ROBO3: variants seen among roughly 807,000 people sequenced by gnomAD.
The protein encoded by ROBO3 is roundabout guidance receptor 3, also known as roundabout homolog 3.
In ROBO3, 97 loss-of-function variants were observed where a neutral mutation model predicts 160.5. That is an observed-to-expected ratio of 0.60 (90% confidence interval 0.51 to 0.72). The LOEUF (loss-of-function observed/expected upper bound fraction) is 0.72, where lower values mean the gene tolerates loss of function less well. Among genes scored for constraint, ROBO3 ranks in the 30% least tolerant of loss-of-function variants. The pLI is 0.00. For missense variants in ROBO3, 1,858 were observed against 1,846.5 expected, an observed-to-expected ratio of 1.01 and a Z score of -0.11; for synonymous variants, 780 against 746.2, an observed-to-expected ratio of 1.05 and a Z score of -0.74.
chr11:124,870,722 G>A lies in ROBO3; in HGVS notation c.1027G>A (p.Val343Ile), dbSNP rs370980680. The A allele has an allele frequency of 3.1e-5, 50 of 1,611,262 alleles. No homozygotes were observed. In the East Asian group the frequency reaches 3.8e-4, roughly 12 times the overall value. ...GRAEASGSLS[V>I]HVPPQLVTQP... ...CGCTGAAGCATCTGGCTCCCTCAGTGTTCACGGTGAGGGCTGTACTTGGGA... is the reference window on the plus strand; with the variant it reads ...CGCTGAAGCATCTGGCTCCCTCAGTATTCACGGTGAGGGCTGTACTTGGGA... The change falls in exon 6 of 28, where the codon GTT becomes ATT. Residue 343 changes from valine to isoleucine, a missense_variant. Physicochemically the swap from Val to Ile is conservative, Grantham distance 29. Coordinates refer to ENST00000397801, the MANE Select transcript of ROBO3 (RefSeq NM_022370.4).
At position 124,878,473 on chromosome 11, in the gene ROBO3, C is replaced by T. The variant is rs754858570; in HGVS notation, c.3320+37C>T. 5.2e-5 allele frequency: 84 copies of T among 1,607,214 alleles called. No individual in the cohort carries two copies. The South Asian group carries it at 5.4e-4, about 10-fold the overall frequency. ...CCCTGCTTCCAGGCCCACACACCTG[C>T]GGCCAGACCATGGGCTGCTGGGGAG... On this transcript the variant is annotated intron_variant, in intron 22 of 27. Transcript: ENST00000397801. The surrounding 1 kb of genome is among the most constrained non-coding windows in gnomAD (Gnocchi z 4.3).
At position 124,877,250 on chromosome 11, in the gene ROBO3, C is replaced by T. The variant is rs1946406978; in HGVS notation, c.2804-17C>T. On this transcript the variant is annotated splice_polypyrimidine_tract_variant and intron_variant, in intron 18 of 27. Coordinates refer to ENST00000397801, the MANE Select transcript of ROBO3 (RefSeq NM_022370.4). The stretch of plus-strand genomic sequence containing the variant: ...ACGGGCCCTTCTCTCACTCATTCGC[C>T]CCCTCATTTTCCCCAGTGTCCTTCC... 2 of 1,613,922 alleles carry T rather than the reference C, an allele frequency of 1.2e-6. No individual in the cohort carries two copies. The highest frequency in any genetic ancestry group is 3.3e-4 in the Middle Eastern group (2 of 6,060).
At position 124,876,940 on chromosome 11, in the gene ROBO3, G is replaced by C. The variant is rs1946393108; in HGVS notation, c.2780-221G>C. 15 of 636,570 alleles carry C rather than the reference G, an allele frequency of 2.4e-5. 1 individual carries two copies. In the South Asian group the frequency reaches 2.7e-4, roughly 12 times the overall value. The allele number at this position is 636,570 out of a possible 1,614,324, so 39.4% of individuals were successfully genotyped here. ...GATTCTGAGGTGTTTGAGGTCAGTG[G>C]TTTTCAATCTTGGTTGGCTACACAT... On this transcript the variant is annotated intron_variant, in intron 17 of 27. Coordinates refer to ENST00000397801, the MANE Select transcript of ROBO3 (RefSeq NM_022370.4). The surrounding 1 kb of genome is among the most constrained non-coding windows in gnomAD (Gnocchi z 5.3).
In ROBO3 at chr11:124,881,371, T is replaced by C. The variant is rs1946580404; in HGVS notation, c.*121T>C. The C allele has an allele frequency of 1.1e-5, 11 of 983,826 alleles. 1 individual carries two copies. The Admixed American group carries it at 2.3e-4, about 21-fold the overall frequency. The allele number at this position is 983,826 out of a possible 1,614,324, so 60.9% of individuals were successfully genotyped here. ...GCCCATTGGTTTCCACGATTTCAAT[T>C]GGCTGAGAAGGCAGAGAGCTAGCTC... On this transcript the variant is annotated 3_prime_UTR_variant, in exon 28 of 28. Coordinates refer to ENST00000397801, the MANE Select transcript of ROBO3 (RefSeq NM_022370.4).
intron 1 of ROBO3, among the ~76,000 whole-genome samples, chr11:124,867,531 G>A (rs1318127236): frequency 2.0e-5 from 3 of 152,212 alleles, no homozygotes; most frequent in Non-Finnish European, 4.4e-5. Flanking sequence ...TGGAGGAGAA[G>A]AGAAGGGTGA....
At chr11:124,870,466 G>T (rs1249163771) in intron 5 of ROBO3, 135 bp from the exon 6 acceptor site, 23 of 1,481,106 alleles carry the variant, frequency 1.6e-5, no homozygotes, top group Admixed American at 2.0e-5. Flanking sequence ...CCATTGATGG[G>T]TCCATGGGTA....
In ROBO3 at chr11:124,876,828, G is replaced by A; in HGVS notation, c.2780-333G>A. 1 of 546,896 alleles carries A rather than the reference G, an allele frequency of 1.8e-6. No individual in the cohort carries two copies. Among genetic ancestry groups the A allele is most frequent in the Non-Finnish European group, 3.3e-6 (1 of 307,626 alleles). The allele number at this position is 546,896 out of a possible 1,614,324, so 33.9% of individuals were successfully genotyped here. The stretch of plus-strand genomic sequence containing the variant: ...GCCAGGATCCCAGGCAGTAAATTGT[G>A]CGGCGGGGTCTGGATGGAAAGGCGG... On this transcript the variant is annotated intron_variant, in intron 17 of 27. Transcript: ENST00000397801. The surrounding 1 kb of genome is among the most constrained non-coding windows in gnomAD (Gnocchi z 5.3).
Position 124,873,174 on chromosome 11 carries a change from T to C in ROBO3, c.1536+85T>C. The C allele has an allele frequency of 1.4e-6, 2 of 1,451,422 alleles. No individual in the cohort carries two copies. The highest frequency in any genetic ancestry group is 1.2e-5 in the South Asian group (1 of 80,422). 89.9% of individuals were successfully genotyped at this position (1,451,422 alleles called of 1,614,324 possible). On this transcript the variant is annotated intron_variant, in intron 9 of 27. Transcript: ENST00000397801. The surrounding 1 kb of genome is among the most constrained non-coding windows in gnomAD (Gnocchi z 4.5). The stretch of plus-strand genomic sequence containing the variant: ...CACAAGTAAGTACTCACTGGGCCTG[T>C]AGCCCCATCTTTACCCCTCTGTTCT...
Position 124,875,659 on chromosome 11 carries a change from C to A in ROBO3, c.2395C>A (p.Gln799Lys), listed in dbSNP as rs1173928949. ...CTGGGAACCTCCACTCCCCTCCCAGCAAAATGGGGTCATCACGGAATACCA... is the reference window on the plus strand; with the variant it reads ...CTGGGAACCTCCACTCCCCTCCCAGAAAAATGGGGTCATCACGGAATACCA... ...VSWEPPLPSQ[Q>K]NGVITEYQIW... The change falls in exon 15 of 28, where the codon CAA becomes AAA. Residue 799 changes from glutamine (Q) to lysine (K), a missense_variant. Physicochemically the swap from Gln to Lys is moderately conservative, Grantham distance 53. Transcript: ENST00000397801. 1.2e-6 allele frequency: 2 copies of A among 1,608,922 alleles called. No homozygotes were observed. Among genetic ancestry groups the A allele is most frequent in the Non-Finnish European group, 1.7e-6 (2 of 1,177,894 alleles).
chr11:124,872,539 G>A lies in ROBO3; in HGVS notation c.1317G>A (p.Leu439=), dbSNP rs781501995. Residue 439 remains leucine, a synonymous_variant, in exon 8 of 28, where the codon CTG becomes CTA. Coordinates refer to ENST00000397801, the MANE Select transcript of ROBO3 (RefSeq NM_022370.4). This position sits in a 1 kb window ranked among gnomAD's most constrained non-coding sequence, Gnocchi z 4.3. ...VAGSILAKAL[L]EIKGASLDGL... ...GCAGCATCCTGGCCAAGGCCCTGCT[G>A]GAGATAAAAGGAGGTACGTGCCCAT... 2.5e-6 allele frequency: 4 copies of A among 1,613,286 alleles called. No homozygotes were observed. Among genetic ancestry groups the A allele is most frequent in the Non-Finnish European group, 2.5e-6 (3 of 1,179,330 alleles).
In ROBO3 at chr11:124,870,077, A is replaced by G; in HGVS notation, c.766+9A>G. On this transcript the variant is annotated intron_variant, in intron 4 of 27. Transcript: ENST00000397801. ...TGAAGTCATGGTACTGGGTAGGCACAGGGAATTTTGACATTATGGGAACAG... is the reference window on the plus strand; with the variant it reads ...TGAAGTCATGGTACTGGGTAGGCACGGGGAATTTTGACATTATGGGAACAG... The G allele has an allele frequency of 6.2e-7, 1 of 1,613,972 alleles. No homozygotes were observed.
In ROBO3 at chr11:124,865,540, C is replaced by T. The variant is rs753468449; in HGVS notation, c.-38C>T. 6.9e-6 allele frequency: 11 copies of T among 1,593,300 alleles called. No individual in the cohort carries two copies. The highest frequency in any genetic ancestry group is 9.4e-6 in the Non-Finnish European group (11 of 1,169,630). ...ACGGGTCTCAGACCCAGGGGCTGGG[C>T]CCCCAGCCCCCAGTCCCGATCCCAG... On this transcript the variant is annotated 5_prime_UTR_variant, in exon 1 of 28. Coordinates refer to ENST00000397801, the MANE Select transcript of ROBO3 (RefSeq NM_022370.4). This position sits in a 1 kb window ranked among gnomAD's most constrained non-coding sequence, Gnocchi z 5.5.
Position 124,874,129 on chromosome 11 carries a change from C to G in ROBO3, c.1844C>G (p.Thr615Arg), listed in dbSNP as rs1946316023. The change falls in exon 12 of 28, where the codon ACA (threonine) becomes AGA (arginine). Residue 615 changes from threonine (T) to arginine (R), a missense_variant. Physicochemically the swap from Thr to Arg is moderately conservative, Grantham distance 71. Transcript: ENST00000397801. ...GATGGCGTGCAGCTGGAGACACACACAGTCAGCGGTCTGCAGCCCAATACC... is the reference window on the plus strand; with the variant it reads ...GATGGCGTGCAGCTGGAGACACACAGAGTCAGCGGTCTGCAGCCCAATACC... ...VADGVQLETH[T>R]VSGLQPNTIY... The G allele has an allele frequency of 1.2e-6, 2 of 1,613,998 alleles. No individual in the cohort carries two copies. The highest frequency in any genetic ancestry group is 2.7e-5 in the African/African-American group (2 of 75,042).
In ROBO3 at chr11:124,870,577, A is replaced by G. The variant is rs753989030; in HGVS notation, c.906-24A>G. 6 of 1,613,482 alleles carry G rather than the reference A, an allele frequency of 3.7e-6. No individual in the cohort carries two copies. In the Admixed American group the frequency reaches 1.0e-4, roughly 27 times the overall value. On this transcript the variant is annotated intron_variant, in intron 5 of 27. Transcript: ENST00000397801. ...AAGGGTCTGTAGCTGTGGCCAACCCAGCCTGGGGTGGGGAGTGGAGCAGGT... is the reference window on the plus strand; with the variant it reads ...AAGGGTCTGTAGCTGTGGCCAACCCGGCCTGGGGTGGGGAGTGGAGCAGGT...
intron 1 of ROBO3, among the ~76,000 whole-genome samples, chr11:124,866,010 G>A (rs1291386159): frequency 4.6e-5 from 7 of 152,284 alleles, no homozygotes; most frequent in African/African-American, 1.7e-4. Flanking sequence ...CAGGTGAGAA[G>A]AACCGTTGCT....
At position 124,869,145 on chromosome 11, in the gene ROBO3, C is replaced by T. The variant is rs754367759; in HGVS notation, c.487+17C>T. 3.9e-6 allele frequency: 6 copies of T among 1,525,020 alleles called. No individual in the cohort carries two copies. The highest frequency in any genetic ancestry group is 2.0e-5 in the Admixed American group (1 of 49,502). The allele number at this position is 1,525,020 out of a possible 1,614,324, so 94.5% of individuals were successfully genotyped here. A position where few individuals can be genotyped will look rare whatever the true frequency, so the allele number is the denominator to read the frequency against. ...AAGTGGCAGGTGAGAGTCAGTTGAC[C>T]GTCAGCTGGTTGCTTCCAGAGCCTG... is the stretch of plus-strand genomic sequence containing the variant. On this transcript the variant is annotated intron_variant, in intron 2 of 27. Transcript: ENST00000397801. The surrounding 1 kb of genome is among the most constrained non-coding windows in gnomAD (Gnocchi z 4.2).
In ROBO3 at chr11:124,873,169, G is replaced by T. The variant is rs1946302345; in HGVS notation, c.1536+80G>T. ...CCTTACACAAGTAAGTACTCACTGG[G>T]CCTGTAGCCCCATCTTTACCCCTCT... is the stretch of plus-strand genomic sequence containing the variant. On this transcript the variant is annotated intron_variant, in intron 9 of 27. Transcript: ENST00000397801. The surrounding 1 kb of genome is among the most constrained non-coding windows in gnomAD (Gnocchi z 4.5). The T allele has an allele frequency of 6.8e-7, 1 of 1,478,052 alleles. No individual in the cohort carries two copies. 91.6% of individuals were successfully genotyped at this position (1,478,052 alleles called of 1,614,324 possible). A position where few individuals can be genotyped will look rare whatever the true frequency, so the allele number is the denominator to read the frequency against.
In ROBO3 at chr11:124,878,589, A is replaced by G; in HGVS notation, c.3326A>G (p.Glu1109Gly). ...GPEEELEGSS[E>G]PEEWCPPMPE... The stretch of plus-strand genomic sequence containing the variant: ...TCCTGCCTCTTTGATCCCAGCTCAG[A>G]GCCAGAGGAGTGGTGCCCGCCAATG... Residue 1109 changes from glutamate (E) to glycine (G), a missense_variant, in exon 23 of 28, where the codon GAG (glutamate) becomes GGG (glycine). Glu to Gly is a moderately conservative substitution (Grantham distance 98). Transcript: ENST00000397801. This position sits in a 1 kb window ranked among gnomAD's most constrained non-coding sequence, Gnocchi z 4.3. 6.2e-7 allele frequency: 1 copy of G among 1,610,548 alleles called. No homozygotes were observed.
At chr11:124,877,707 C>A in intron 20 of ROBO3, 49 bp downstream of exon 20, 1 of 1,599,230 alleles carries the variant, frequency 6.3e-7, no homozygotes, top group Non-Finnish European at 8.5e-7. Flanking sequence ...TTCTCCCGAC[C>A]TACTGGGGCA....
Sources: allele counts gnomAD v4.1 joint callset (sites outside exome capture counted in the v4.1 genomes callset), GRCh38; gene constraint gnomAD v4.1.1; non-coding constraint Gnocchi (gnomAD v3.1); transcripts MANE v1.5; gene names NCBI Gene and HGNC (gene_info 2026-07-23, HGNC 2026-07-21).